The following PGPEP1L variants were observed in gnomAD, a reference collection of about 807,000 sequenced individuals.
PGPEP1L encodes pyroglutamyl-peptidase 1-like protein.
A neutral mutation model predicts 6.0 loss-of-function variants in PGPEP1L; 7 were observed. The observed-to-expected ratio is 1.17, with a 90% confidence interval of 0.66 to 2.19. The LOEUF (loss-of-function observed/expected upper bound fraction) is 2.19, where lower values mean the gene tolerates loss of function less well. PGPEP1L is among the 30% of genes most tolerant of loss of function. PGPEP1L has a pLI of 0.00. For missense variants in PGPEP1L, 209 were observed against 192.5 expected (o/e 1.09, Z -0.51); for synonymous variants, 103 against 83.9 (o/e 1.23, Z -1.24).
At chr15:99,002,825 G>C (rs1265757470) in intron 2 of PGPEP1L, among the ~76,000 whole-genome samples, 1 of 135,506 alleles carries the variant, frequency 7.4e-6, no homozygotes, top group Non-Finnish European at 1.6e-5. Context: ...TCTGATTCCT[G>C]TGACATTTCC....
rs1427951605 is a variant in PGPEP1L at position 99,007,496 on chromosome 15, A to C, written c.-507T>G. 1.3e-5 allele frequency: 2 copies of C among 152,204 alleles called. No individual in the cohort carries two copies. The highest frequency in any genetic ancestry group is 2.9e-5 in the Non-Finnish European group (2 of 68,078). 9.4% of individuals were successfully genotyped at this position (152,204 alleles called of 1,614,324 possible). On this transcript the variant is annotated 5_prime_UTR_variant, in exon 1 of 5. It removes an upstream start codon present in the reference 5' UTR. Transcript: ENST00000535714. ...CAAGTTTGTTTCTTCTGATGCTCGC[A>C]TGTGTTCGGAGTTTCTTCCTTCTGG...
At chr15:98,999,850 T>G (rs1329451754) in intron 2 of PGPEP1L, among the ~76,000 whole-genome samples, 2 of 152,236 alleles carry the variant, frequency 1.3e-5, no homozygotes, top group Non-Finnish European at 2.9e-5. Context: ...AGGAATGAAG[T>G]ACTGATACAT....
At chr15:99,007,126 G>A (rs560957210) in intron 1 of PGPEP1L, among the ~76,000 whole-genome samples, 1 of 152,162 alleles carries the variant, frequency 6.6e-6, no homozygotes, top group Non-Finnish European at 1.5e-5. Context: ...CTCCTGGTGT[G>A]GGCTGCAGGC....
chr15:99,000,334 C>A (rs1235585937), intron 2 of PGPEP1L, among the ~76,000 whole-genome samples: 1 of 152,228 alleles, frequency 6.6e-6, no homozygotes, highest in Non-Finnish European at 1.5e-5. Context: ...ACAAGCTGGC[C>A]CCCTGCTCCA....
intron 2 of PGPEP1L, among the ~76,000 whole-genome samples, chr15:98,976,967 T>C (rs929000514): frequency 2.8e-5 from 4 of 143,016 alleles, no homozygotes; most frequent in Admixed American, 7.2e-5. Flanking sequence ...TCCACCATAA[T>C]GATTATTAGG....
intron 2 of PGPEP1L, among the ~76,000 whole-genome samples, chr15:98,999,003 G>C (rs1427762940): frequency 5.3e-5 from 8 of 152,060 alleles, no homozygotes; most frequent in African/African-American, 1.2e-4. Flanking sequence ...AAGTTTTTTG[G>C]GGGGAAGGAG....
intron 2 of PGPEP1L, among the ~76,000 whole-genome samples, chr15:99,000,209 C>A (rs1486181769): frequency 2.6e-5 from 4 of 152,250 alleles, no homozygotes; most frequent in African/African-American, 9.6e-5. Flanking sequence ...AGCTGCTGTG[C>A]TCAACTTCTC....
At chr15:98,986,477 C>T (rs1244459466) in intron 2 of PGPEP1L, among the ~76,000 whole-genome samples, 13 of 152,192 alleles carry the variant, frequency 8.5e-5, no homozygotes, top group African/African-American at 2.4e-4. Flanking sequence ...AGGAGGGTAA[C>T]GTGCCAACAC....
At position 98,995,672 on chromosome 15, in the gene PGPEP1L, G is replaced by C. The variant is rs1033317584; in HGVS notation, c.-142+9757C>G. Among the ~76,000 whole-genome samples, 3 of 152,140 alleles carry C rather than the reference G, an allele frequency of 2.0e-5. No homozygotes were observed. The South Asian group carries it at 6.2e-4, about 31-fold the overall frequency. On this transcript the variant is annotated intron_variant, in intron 2 of 4. Transcript: ENST00000535714. ...GATGGCACCACTGCACTCCAGCCTG[G>C]GCGACAGAGCTAGACTCTGTCTCTA...
chr15:99,007,279 T>TC (rs1321190728), intron 1 of PGPEP1L, 80 bp downstream of exon 1: 5 of 152,220 alleles, frequency 3.3e-5, no homozygotes, highest in African/African-American at 9.7e-5. Context: ...TTACCCGGTT[T>TC]CTCAATATAC....
rs763807969 is a variant in PGPEP1L at position 98,968,524 on chromosome 15, T to G, written c.383A>C (p.Gln128Pro). The change falls in exon 5 of 5, where the codon CAG (glutamine) becomes CCG (proline). Residue 128 changes from glutamine to proline, a missense_variant. By Grantham distance (76) the Gln-to-Pro change is moderately conservative. Transcript: ENST00000535714. ...GACCATGGTTGAGTTTTCTTCGAAC[T>G]GGGCTCTGTGCTTGGGCTTTCCCAC... ...EEVGKPKHRA[Q>P]FEENSTMVLP... 42 of 1,613,512 alleles carry G rather than the reference T, an allele frequency of 2.6e-5. No individual in the cohort carries two copies. Among genetic ancestry groups the G allele is most frequent in the Non-Finnish European group, 3.5e-5 (41 of 1,179,856 alleles).
chr15:99,006,467 G>A (rs782165022), intron 1 of PGPEP1L, among the ~76,000 whole-genome samples: 8 of 152,222 alleles, frequency 5.3e-5, no homozygotes, highest in Non-Finnish European at 8.8e-5. Context: ...AACATTTGAG[G>A]CTATTTCCTC....
chr15:98,985,742 G>A (rs1198304873), intron 2 of PGPEP1L, among the ~76,000 whole-genome samples: 2 of 152,228 alleles, frequency 1.3e-5, no homozygotes, highest in African/African-American at 2.4e-5. Context: ...CAACCTCTCT[G>A]AGCACCCCTT....
chr15:98,973,262 C>A (rs976498988), intron 2 of PGPEP1L, among the ~76,000 whole-genome samples: 1 of 152,130 alleles, frequency 6.6e-6, no homozygotes, highest in Non-Finnish European at 1.5e-5. Flanking sequence ...CCAATAATAG[C>A]AGGAAACTTT....
chr15:98,971,850 GAT>G (rs1453785193), intron 2 of PGPEP1L, among the ~76,000 whole-genome samples: 1 of 151,776 alleles, frequency 6.6e-6, no homozygotes, highest in African/African-American at 2.4e-5. Flanking sequence ...TTGGTTGAGA[GAT>G]AGGCAACATA....
intron 2 of PGPEP1L, among the ~76,000 whole-genome samples, chr15:98,999,614 G>A (rs1379695882): frequency 6.6e-6 from 1 of 152,160 alleles, no homozygotes; most frequent in African/African-American, 2.4e-5. Flanking sequence ...ATACAGAAGT[G>A]TATACAAAAA....
rs545910077 is a variant in PGPEP1L, at chr15:98,982,683, G to C, written c.-141-11525C>G. Among the ~76,000 whole-genome samples, 3 of 125,448 alleles carry C rather than the reference G, an allele frequency of 2.4e-5. No individual in the cohort carries two copies. In the East Asian group the frequency reaches 6.8e-4, roughly 29 times the overall value. 82.3% of individuals were successfully genotyped at this position (125,448 alleles called of 152,430 possible). On this transcript the variant is annotated intron_variant, in intron 2 of 4. Coordinates refer to ENST00000535714, the MANE Select transcript of PGPEP1L (RefSeq NM_001167902.2). ...GAGGTCTCCCTTCCTCCTCACTCTG[G>C]TTATTTTTATCTGAGGCTTTTTTTT...
intron 2 of PGPEP1L, among the ~76,000 whole-genome samples, chr15:98,999,621 A>G (rs1446614682): frequency 6.6e-6 from 1 of 152,232 alleles, no homozygotes; most frequent in East Asian, 1.9e-4. Context: ...AGTGTATACA[A>G]AAACGTTCAT....
intron 2 of PGPEP1L, among the ~76,000 whole-genome samples, chr15:98,988,302 G>T (rs2089606): frequency 0.65 from 98,347 of 151,774 alleles, 33,521 homozygotes; most frequent in Non-Finnish European, 0.77. Flanking sequence ...AGCTTGGTGG[G>T]GGGGAGGGGC....
Sources: allele counts gnomAD v4.1 joint callset (sites outside exome capture counted in the v4.1 genomes callset), GRCh38; gene constraint gnomAD v4.1.1; transcripts MANE v1.5; gene names NCBI Gene and HGNC (gene_info 2026-07-23, HGNC 2026-07-21).